KCTD8: variants seen among roughly 807,000 people sequenced by gnomAD.
KCTD8 encodes the protein BTB/POZ domain-containing protein KCTD8.
In KCTD8, 27 loss-of-function variants were observed where a neutral mutation model predicts 31.5. The ratio of observed to expected loss-of-function variants is 0.86; its 90% CI spans 0.63 to 1.18. The LOEUF (loss-of-function observed/expected upper bound fraction) is 1.18. KCTD8 is among the 50% of genes most tolerant of loss of function. KCTD8 has a pLI of 0.00. For synonymous variants in KCTD8, 290 were observed against 280.0 expected, an observed-to-expected ratio of 1.04 and a Z score of -0.36; for missense variants, 658 against 647.7, an observed-to-expected ratio of 1.02 and a Z score of -0.17.
chr4:44,294,668 A>T (rs1482032392), intron 1 of KCTD8, among the ~76,000 whole-genome samples: 1 of 152,190 alleles, frequency 6.6e-6, no homozygotes, highest in Non-Finnish European at 1.5e-5. Flanking sequence ...ATTATCATCA[A>T]TAGAACAGAA....
intron 1 of KCTD8, among the ~76,000 whole-genome samples, chr4:44,410,847 A>T (rs1377589394): frequency 6.6e-6 from 1 of 152,186 alleles, no homozygotes; most frequent in East Asian, 1.9e-4. Flanking sequence ...ATTAAAGATT[A>T]GATTTGGGTG....
At chr4:44,265,488 C>T (rs907959006) in intron 1 of KCTD8, among the ~76,000 whole-genome samples, 1 of 152,192 alleles carries the variant, frequency 6.6e-6, no homozygotes, top group South Asian at 2.1e-4. Context: ...CAGAGCACCT[C>T]TCCTCCTCCA....
At chr4:44,261,939 TAA>T (rs1716194192) in intron 1 of KCTD8, among the ~76,000 whole-genome samples, 1 of 151,966 alleles carries the variant, frequency 6.6e-6, no homozygotes, top group Non-Finnish European at 1.5e-5. Context: ...AAAAATAAAA[TAA>T]GAGAGGAGAG....
intron 1 of KCTD8, among the ~76,000 whole-genome samples, chr4:44,241,693 A>C (rs930162910): frequency 8.5e-5 from 13 of 152,194 alleles, no homozygotes; most frequent in African/African-American, 3.1e-4. Flanking sequence ...CAGTTCAATG[A>C]AGTAGATTGG....
Position 44,447,762 on chromosome 4 carries a change from C to T in KCTD8, c.762G>A (p.Glu254=). The change falls in exon 1 of 2, where the codon GAG becomes GAA. Residue 254 remains glutamate (E), a synonymous_variant. Transcript: ENST00000360029. Reference sequence around the variant, plus strand: ...CCGGCTGCCGGTCGGGGTCGCGGCTCTCGTTGAGCGTGTCCCCGAAGACCT... The same window carrying T: ...CCGGCTGCCGGTCGGGGTCGCGGCTTTCGTTGAGCGTGTCCCCGAAGACCT... ...AKEVFGDTLN[E]SRDPDRQPEK... 2.5e-6 allele frequency: 4 copies of T among 1,612,008 alleles called. No individual in the cohort carries two copies. Among genetic ancestry groups the T allele is most frequent in the South Asian group, 1.1e-5 (1 of 90,590 alleles).
At chr4:44,272,925 T>G (rs1056305008) in intron 1 of KCTD8, among the ~76,000 whole-genome samples, 1 of 152,044 alleles carries the variant, frequency 6.6e-6, no homozygotes, top group Admixed American at 6.6e-5. Flanking sequence ...GGGTTGTTGA[T>G]AGTTCCAAAA....
intron 1 of KCTD8, among the ~76,000 whole-genome samples, chr4:44,303,534 G>A (rs1400424693): frequency 6.6e-6 from 1 of 152,058 alleles, no homozygotes; most frequent in Non-Finnish European, 1.5e-5. Context: ...TCTTAAATAA[G>A]GCCAGGCATG....
chr4:44,317,157 T>C (rs181390469), intron 1 of KCTD8, among the ~76,000 whole-genome samples: 20 of 151,274 alleles, frequency 1.3e-4, no homozygotes, highest in Non-Finnish European at 2.5e-4. Flanking sequence ...CAGCAGGAGT[T>C]AATATATCTA....
chr4:44,429,780 C>A (rs1450553698), intron 1 of KCTD8, among the ~76,000 whole-genome samples: 1 of 151,574 alleles, frequency 6.6e-6, no homozygotes, highest in Non-Finnish European at 1.5e-5. Context: ...AGCAAGACTG[C>A]AGGTAATAGA....
intron 1 of KCTD8, among the ~76,000 whole-genome samples, chr4:44,272,888 C>A (rs114317063): frequency 6.6e-6 from 1 of 151,974 alleles, no homozygotes; most frequent in Non-Finnish European, 1.5e-5. Flanking sequence ...TTCTTTTTCT[C>A]AATCGAATGA....
At chr4:44,204,968 C>A (rs957664701) in intron 1 of KCTD8, among the ~76,000 whole-genome samples, 2 of 151,834 alleles carry the variant, frequency 1.3e-5, no homozygotes, top group Non-Finnish European at 2.9e-5. Flanking sequence ...AGTGTAACAA[C>A]AAAATTTCAA....
chr4:44,323,261 A>G (rs1044733563), intron 1 of KCTD8, among the ~76,000 whole-genome samples: 7 of 152,066 alleles, frequency 4.6e-5, no homozygotes, highest in African/African-American at 4.8e-5. Context: ...TGGGAGGTCA[A>G]GACAGGTGGA....
At chr4:44,367,282 T>C (rs1367027033) in intron 1 of KCTD8, among the ~76,000 whole-genome samples, 1 of 152,160 alleles carries the variant, frequency 6.6e-6, no homozygotes, top group African/African-American at 2.4e-5. Context: ...AGAGAATATC[T>C]AGTTTTGCTT....
chr4:44,189,098 A>G (rs1472762012), intron 1 of KCTD8, among the ~76,000 whole-genome samples: 1 of 152,210 alleles, frequency 6.6e-6, no homozygotes, highest in Admixed American at 6.5e-5. Context: ...GAATTGTAGA[A>G]TCTTAACTGT....
chr4:44,292,087 G>A (rs570633302), intron 1 of KCTD8, among the ~76,000 whole-genome samples: 5 of 151,544 alleles, frequency 3.3e-5, no homozygotes, highest in African/African-American at 9.7e-5. Context: ...AGTGAAGAAC[G>A]TGAAGTCCCA....
intron 1 of KCTD8, among the ~76,000 whole-genome samples, chr4:44,342,284 G>A (rs1041725618): frequency 2.5e-4 from 38 of 150,966 alleles, no homozygotes; most frequent in African/African-American, 8.8e-4. Flanking sequence ...CAGGACAATG[G>A]CATGAACCCA....
intron 1 of KCTD8, among the ~76,000 whole-genome samples, chr4:44,371,301 C>T (rs1371261988): frequency 2.0e-5 from 3 of 152,116 alleles, no homozygotes; most frequent in Non-Finnish European, 4.4e-5. Context: ...TAGGTACTTC[C>T]AGAAATACTG....
At chr4:44,271,726 C>A (rs1716609912) in intron 1 of KCTD8, among the ~76,000 whole-genome samples, 1 of 152,124 alleles carries the variant, frequency 6.6e-6, no homozygotes. Flanking sequence ...CTAGCCAGAG[C>A]CCATCCCTTT....
At chr4:44,326,878 C>T (rs1311540248) in intron 1 of KCTD8, among the ~76,000 whole-genome samples, 2 of 151,770 alleles carry the variant, frequency 1.3e-5, no homozygotes, top group South Asian at 2.1e-4. Flanking sequence ...GCTCATATTC[C>T]TCATCCCTTT....
Sources: gnomAD v4.1 joint callset for allele counts (sites outside exome capture counted in the v4.1 genomes callset) on GRCh38, gnomAD v4.1.1 for gene constraint, MANE v1.5 for transcripts, NCBI Gene and HGNC (gene_info 2026-07-23, HGNC 2026-07-21) for gene names.